Variants in PATZ1 observed in about 807,000 individuals in gnomAD.
PATZ1 encodes the protein POZ/BTB and AT hook containing zinc finger 1.
A neutral mutation model predicts 46.2 loss-of-function variants in PATZ1; 9 were observed. That is an observed-to-expected ratio of 0.19 (90% CI 0.12 to 0.34). The LOEUF (loss-of-function observed/expected upper bound fraction) is 0.34, where lower values mean the gene tolerates loss of function less well. PATZ1 is among the 10% of genes least tolerant of loss of function. The probability of loss-of-function intolerance (pLI) is 1.00; values close to 1 mark genes in which losing one functional copy is unlikely to be tolerated. For synonymous variants in PATZ1, 426 were observed against 378.6 expected (o/e 1.13, Z -1.45); for missense variants, 632 against 923.0 (o/e 0.68, Z 4.08).
At chr22:31,334,683 GC>G (rs1429438513) in intron 3 of PATZ1, among the ~76,000 whole-genome samples, 3 of 152,148 alleles carry the variant, frequency 2.0e-5, no homozygotes, top group African/African-American at 7.2e-5. Flanking sequence ...GGGAAAGGGG[GC>G]TATTCTTAAC....
Position 31,335,684 on chromosome 22 carries a change from C to T in PATZ1, c.1507+8G>A. On this transcript the variant is annotated splice_region_variant and intron_variant, in intron 3 of 4. Coordinates refer to ENST00000266269, the MANE Select transcript of PATZ1 (RefSeq NM_014323.3). ...CCTCTGGAAGTGAGGAAACAGTGGG[C>T]AGATTACCTCGGTTACAGATACTGC... 2.5e-6 allele frequency: 4 copies of T among 1,612,358 alleles called. No individual in the cohort carries two copies. The highest frequency in any genetic ancestry group is 3.4e-6 in the Non-Finnish European group (4 of 1,178,606).
intron 1 of PATZ1, chr22:31,343,676 CTACA>C (rs1426806221): frequency 6.5e-6 from 1 of 152,880 alleles, no homozygotes; most frequent in Non-Finnish European, 1.5e-5. Context: ...GAAAGTGAAC[CTACA>C]TAGAGATCCT....
chr22:31,336,322 A>G (rs2049508582), intron 2 of PATZ1, among the ~76,000 whole-genome samples: 2 of 152,316 alleles, frequency 1.3e-5, no homozygotes, highest in South Asian at 2.1e-4. Flanking sequence ...ACAAAGAATT[A>G]TATTTGTTCA....
In PATZ1 at chr22:31,345,520, T is replaced by C; in HGVS notation, c.83A>G (p.His28Arg). The stretch of plus-strand genomic sequence containing the variant: ...GTTTTTGCGCTGCTGGTTCAGGTTG[T>C]GCAGCATCTCCGTGCTGTGTCTGCT... ...QVSRHSTEML[H>R]NLNQQRKNGG... Residue 28 changes from histidine (H) to arginine (R), a missense_variant, in exon 1 of 5, where the codon CAC (histidine) becomes CGC (arginine). By Grantham distance (29) the His-to-Arg change is conservative. Around this residue, in one of 7 missense-constraint regions of PATZ1, gnomAD observed 19 missense variants for 71.4 expected, o/e 0.27. Transcript: ENST00000266269. The surrounding 1 kb of genome is among the most constrained non-coding windows in gnomAD (Gnocchi z 7.4). 1 of 1,613,344 alleles carries C rather than the reference T, an allele frequency of 6.2e-7. No individual in the cohort carries two copies. Among genetic ancestry groups the C allele is most frequent in the Non-Finnish European group, 8.5e-7 (1 of 1,179,886 alleles).
Position 31,327,261 on chromosome 22 carries a change from T to A in PATZ1, c.1694A>T (p.Tyr565Phe), listed in dbSNP as rs765537425. Residue 565 changes from tyrosine to phenylalanine, a missense_variant, in exon 5 of 5, where the codon TAT becomes TTT. This residue lies in a region of PATZ1 where 176 missense variants were observed against 249.4 expected (regional missense o/e 0.71). Coordinates refer to ENST00000266269, the MANE Select transcript of PATZ1 (RefSeq NM_014323.3). The surrounding 1 kb of genome is among the most constrained non-coding windows in gnomAD (Gnocchi z 4.2). ...GTCGCTGGCATCTGAGAGGTCACCA[T>A]AGGAGTCAGAGCTCTCAATCGGATC... ...HQDPIESSDS[Y>F]GDLSDASDLK... is the part of the protein sequence containing the mutation. The A allele has an allele frequency of 1.2e-6, 2 of 1,614,198 alleles. No homozygotes were observed. Among genetic ancestry groups the A allele is most frequent in the East Asian group, 4.5e-5 (2 of 44,884 alleles).
chr22:31,344,637 G>T lies in PATZ1; in HGVS notation c.966C>A (p.Gly322=). The T allele has an allele frequency of 3.7e-6, 6 of 1,614,080 alleles. No homozygotes were observed. The highest frequency in any genetic ancestry group is 5.1e-6 in the Non-Finnish European group (6 of 1,180,042). Residue 322 remains glycine (G), a synonymous_variant, in exon 1 of 5, where the codon GGC becomes GGA. Transcript: ENST00000266269. ...AQHGVTSLQL[G]YIDLPPPRLG... is the part of the protein sequence containing the mutation. ...GCCTCGGAGGAGGAAGGTCGATGTA[G>T]CCCAGCTGGAGGCTGGTGACACCGT...
In PATZ1 at chr22:31,328,495, C is replaced by CG. The variant is rs1569023261; in HGVS notation, c.1645+291dup. On this transcript the variant is annotated intron_variant, in intron 4 of 4. Transcript: ENST00000266269. The surrounding 1 kb of genome is among the most constrained non-coding windows in gnomAD (Gnocchi z 4.8). ...CAGGGCTCTTCTTCTGCCCAGGGCC[C>CG]GGGGCATCCCTGCAGGGCTCCAGAC... Among the ~76,000 whole-genome samples the CG allele has an allele frequency of 6.6e-6, 1 of 152,178 alleles. No individual in the cohort carries two copies. Among genetic ancestry groups the CG allele is most frequent in the Non-Finnish European group, 1.5e-5 (1 of 68,034 alleles).
At position 31,345,626 on chromosome 22, in the gene PATZ1, C is replaced by T. The variant is rs771108400; in HGVS notation, c.-24G>A. 7.0e-6 allele frequency: 11 copies of T among 1,563,394 alleles called. No individual in the cohort carries two copies. Among genetic ancestry groups the T allele is most frequent in the East Asian group, 2.3e-5 (1 of 43,936 alleles). ...ATGGCCGCCGCCCCCTCCCACTAGC[C>T]CGGCCGCTGCACCTGCCCGCCCCCT... On this transcript the variant is annotated 5_prime_UTR_variant, in exon 1 of 5. Transcript: ENST00000266269. This position sits in a 1 kb window ranked among gnomAD's most constrained non-coding sequence, Gnocchi z 7.4.
chr22:31,340,876 A>T, intron 2 of PATZ1: 1 of 1,063,750 alleles, frequency 9.4e-7, no homozygotes, highest in Non-Finnish European at 1.1e-6. Flanking sequence ...CCTCAAAAAC[A>T]CAAAAGTCTA....
At chr22:31,331,250 A>T (rs977329264) in intron 3 of PATZ1, among the ~76,000 whole-genome samples, 1 of 152,204 alleles carries the variant, frequency 6.6e-6, no homozygotes, top group African/African-American at 2.4e-5. Context: ...CCTAAAACAA[A>T]GCAGAACCAG....
At position 31,342,930 on chromosome 22, in the gene PATZ1, C is replaced by T. The variant is rs2049601380; in HGVS notation, c.1302G>A (p.Gln434=). The change falls in exon 2 of 5, where the codon CAG becomes CAA. Residue 434 remains glutamine (Q), a synonymous_variant. Coordinates refer to ENST00000266269, the MANE Select transcript of PATZ1 (RefSeq NM_014323.3). Reference sequence around the variant, plus strand: ...TGTGAGGCCGCTCAGAAGTGTGCACCTGCTTGATATGTCCGTTCAAGTGAT... The same window carrying T: ...TGTGAGGCCGCTCAGAAGTGTGCACTTGCTTGATATGTCCGTTCAAGTGAT... ...RPDHLNGHIK[Q]VHTSERPHKC... 1.2e-6 allele frequency: 2 copies of T among 1,613,982 alleles called. No individual in the cohort carries two copies. Among genetic ancestry groups the T allele is most frequent in the Admixed American group, 3.3e-5 (2 of 59,994 alleles).
At chr22:31,343,027 C>T in intron 1 of PATZ1, 67 bp from the exon 2 acceptor site, 1 of 1,609,176 alleles carries the variant, frequency 6.2e-7, no homozygotes, top group African/African-American at 1.3e-5. Flanking sequence ...GGCACATATG[C>T]ATACGTGTGT....
In PATZ1 at chr22:31,344,079, C is replaced by T. The variant is rs1182297087; in HGVS notation, c.1271+253G>A. Among the ~76,000 whole-genome samples the T allele has an allele frequency of 2.0e-5, 3 of 152,150 alleles. No individual in the cohort carries two copies. In the East Asian group the frequency reaches 5.8e-4, roughly 29 times the overall value. On this transcript the variant is annotated intron_variant, in intron 1 of 4. Coordinates refer to ENST00000266269, the MANE Select transcript of PATZ1 (RefSeq NM_014323.3). ...AATGGTGAGGTCCGGTGGCTCTGGC[C>T]TGAGGAATCCGGCCCCAGGAGGAGA... is the stretch of plus-strand genomic sequence containing the variant.
chr22:31,339,276 T>C (rs2049550333), intron 2 of PATZ1, among the ~76,000 whole-genome samples: 1 of 152,110 alleles, frequency 6.6e-6, no homozygotes, highest in Non-Finnish European at 1.5e-5. Flanking sequence ...AATCTGCTGC[T>C]GGGGGAAAAA....
chr22:31,335,815 C>A lies in PATZ1; in HGVS notation c.1384G>T (p.Ala462Ser). 1 of 1,614,020 alleles carries A rather than the reference C, an allele frequency of 6.2e-7. No individual in the cohort carries two copies. Among genetic ancestry groups the A allele is most frequent in the Non-Finnish European group, 8.5e-7 (1 of 1,179,982 alleles). Reference protein sequence around the residue: ...ATRDRLRSHLACHEDKVPCQV... With the variant: ...ATRDRLRSHLSCHEDKVPCQV... ...CAGGGCACCTTGTCTTCATGACAGG[C>A]CAGGTGGGAGCGCAGACGGTCTCGG... is the stretch of plus-strand genomic sequence containing the variant. Residue 462 changes from alanine to serine, a missense_variant, in exon 3 of 5, where the codon GCC becomes TCC. This residue lies in a region of PATZ1 where 55 missense variants were observed against 169.0 expected (regional missense o/e 0.33). Coordinates refer to ENST00000266269, the MANE Select transcript of PATZ1 (RefSeq NM_014323.3).
chr22:31,343,185 T>C (rs1044302448), intron 1 of PATZ1: 57 of 1,287,174 alleles, frequency 4.4e-5, no homozygotes, highest in Non-Finnish European at 5.6e-5. Context: ...AATGGGCATT[T>C]GTCTCTGATT....
At chr22:31,342,354 A>C (rs2049592934) in intron 2 of PATZ1, among the ~76,000 whole-genome samples, 1 of 152,128 alleles carries the variant, frequency 6.6e-6, no homozygotes, top group African/African-American at 2.4e-5. Flanking sequence ...GATGGGTTAA[A>C]CAGATGCCAG....
intron 1 of PATZ1, chr22:31,343,572 G>A (rs1344155680): frequency 3.0e-5 from 10 of 336,438 alleles, no homozygotes; most frequent in Non-Finnish European, 3.4e-5. Context: ...CACACACAAG[G>A]TCCTACAATC....
At chr22:31,343,145 G>T in intron 1 of PATZ1, 185 bp from the exon 2 acceptor site, 1 of 1,337,372 alleles carries the variant, frequency 7.5e-7, no homozygotes, top group Non-Finnish European at 9.6e-7. Context: ...AGGCCTCTCT[G>T]CCCTGGTTTT....
Sources: gnomAD v4.1 joint callset for allele counts (sites outside exome capture counted in the v4.1 genomes callset) on GRCh38, gnomAD v4.1.1 for gene constraint, gnomAD v4.1.1 regional missense constraint, Gnocchi (gnomAD v3.1) non-coding constraint, MANE v1.5 for transcripts, NCBI Gene and HGNC (gene_info 2026-07-23, HGNC 2026-07-21) for gene names.